Variants in PCDHA10 observed in about 807,000 individuals in gnomAD.
The protein encoded by PCDHA10 is protocadherin alpha 10, also known as protocadherin alpha-10.
In PCDHA10, 45 loss-of-function variants were observed where a neutral mutation model predicts 61.2. That is an observed-to-expected ratio of 0.74 (90% confidence interval 0.58 to 0.94). PCDHA10 has a LOEUF of 0.94. Among genes scored for constraint, PCDHA10 ranks in the 40% least tolerant of loss-of-function variants. PCDHA10 has a pLI of 0.00. For missense variants in PCDHA10, 1,278 were observed against 1,236.2 expected, an observed-to-expected ratio of 1.03 and a Z score of -0.51; for synonymous variants, 602 against 548.8, an observed-to-expected ratio of 1.10 and a Z score of -1.35.
chr5:140,927,848 G>A (rs1295513512), intron 1 of PCDHA10: 3 of 1,614,062 alleles, frequency 1.9e-6, no homozygotes, highest in Non-Finnish European at 2.5e-6. Context: ...GGTGTCTTTG[G>A]TTTAGCTAGC....
intron 1 of PCDHA10, chr5:140,966,387 C>G: frequency 2.5e-6 from 1 of 405,008 alleles, no homozygotes. Context: ...GGTTCGCTGT[C>G]CGCCACTTCG....
chr5:140,858,663 C>A, intron 1 of PCDHA10: 1 of 735,366 alleles, frequency 1.4e-6, no homozygotes, highest in Non-Finnish European at 2.1e-6. Flanking sequence ...TTTTAAATAA[C>A]AATTTATTCT....
chr5:141,009,889 G>A lies in PCDHA10; in HGVS notation c.2799G>A (p.Gln933=). ...KKKKKKGNKT[Q]EKKEKGNSTT... is the part of the protein sequence containing the mutation. ...AAAAGAAGAAGGGTAACAAGACCCAGGAGAAAAAAGAGAAAGGGAACAGCA... is the reference window on the plus strand; with the variant it reads ...AAAAGAAGAAGGGTAACAAGACCCAAGAGAAAAAAGAGAAAGGGAACAGCA... Residue 933 remains glutamine, a synonymous_variant, in exon 4 of 4, where the codon CAG becomes CAA. Transcript: ENST00000307360. 6.2e-7 allele frequency: 1 copy of A among 1,612,866 alleles called. No homozygotes were observed. Among genetic ancestry groups the A allele is most frequent in the South Asian group, 1.1e-5 (1 of 90,852 alleles).
chr5:140,900,062 A>C (rs1221394657), intron 1 of PCDHA10, among the ~76,000 whole-genome samples: 1 of 152,138 alleles, frequency 6.6e-6, no homozygotes, highest in Non-Finnish European at 1.5e-5. Flanking sequence ...CTTTAACCTC[A>C]GCCTCCAAAA....
intron 1 of PCDHA10, chr5:140,930,241 C>T (rs2086688232): frequency 1.3e-5 from 2 of 152,148 alleles, no homozygotes; most frequent in African/African-American, 2.4e-5. Context: ...ATCCAAAGTC[C>T]ATTCAACTTG....
At chr5:140,966,971 C>G (rs375161984) in intron 1 of PCDHA10, 1 of 1,602,808 alleles carries the variant, frequency 6.2e-7, no homozygotes, top group Non-Finnish European at 8.5e-7. Flanking sequence ...GGGGCTTGAG[C>G]TGCGGCGCTT....
At chr5:140,884,312 G>A in intron 1 of PCDHA10, 1 of 1,613,768 alleles carries the variant, frequency 6.2e-7, no homozygotes, top group Non-Finnish European at 8.5e-7. Context: ...TTCGTCGAGG[G>A]CGTCGGCAGG....
Position 140,856,142 on chromosome 5 carries a change from T to C in PCDHA10, c.94T>C (p.Tyr32His). 6.3e-7 allele frequency: 1 copy of C among 1,598,234 alleles called. No homozygotes were observed. Among genetic ancestry groups the C allele is most frequent in the Non-Finnish European group, 8.6e-7 (1 of 1,167,842 alleles). ...AWEVGSGQLH[Y>H]SVYEEARHGT... ...GGAGGTGGGGAGCGGCCAGCTCCAC[T>C]ACTCAGTCTACGAGGAGGCCAGACA... The change falls in exon 1 of 4, where the codon TAC becomes CAC. Residue 32 changes from tyrosine (Y) to histidine (H), a missense_variant. Physicochemically the swap from Tyr to His is moderately conservative, Grantham distance 83 (BLOSUM62 2). Transcript: ENST00000307360.
At chr5:140,967,784 C>T in intron 1 of PCDHA10, 3 of 1,614,174 alleles carry the variant, frequency 1.9e-6, no homozygotes, top group South Asian at 1.1e-5. Context: ...GGCGACTGAC[C>T]GGGGTCCAGT....
chr5:140,882,189 T>C, intron 1 of PCDHA10: 2 of 1,519,304 alleles, frequency 1.3e-6, no homozygotes, highest in Admixed American at 2.2e-5. Flanking sequence ...TAGGAAGCCA[T>C]AAAAATTGGG....
chr5:140,923,644 C>G (rs1554201552), intron 1 of PCDHA10, among the ~76,000 whole-genome samples: 1 of 152,204 alleles, frequency 6.6e-6, no homozygotes. Flanking sequence ...AAATCTTTAG[C>G]CTCCCTTATC....
At chr5:140,998,347 T>C (rs2097807005) in intron 3 of PCDHA10, among the ~76,000 whole-genome samples, 1 of 152,202 alleles carries the variant, frequency 6.6e-6, no homozygotes, top group Non-Finnish European at 1.5e-5. Context: ...TCTGAGTCTG[T>C]GCTCTTAACC....
rs782383115 is a variant in PCDHA10, at chr5:140,856,448, G to T, written c.400G>T (p.Val134Leu). 3 of 1,598,274 alleles carry T rather than the reference G, an allele frequency of 1.9e-6. No homozygotes were observed. The highest frequency in any genetic ancestry group is 2.2e-5 in the South Asian group (2 of 90,534). The change falls in exon 1 of 4, where the codon GTA (valine) becomes TTA (leucine). Residue 134 changes from valine (V) to leucine (L), a missense_variant. By Grantham distance (32) the Val-to-Leu change is conservative. Transcript: ENST00000307360. ...DINDNPPRFS[V>L]TEQKLSIPES... Reference sequence around the variant, plus strand: ...TAACGACAACCCGCCCAGGTTCTCCGTAACAGAACAAAAGCTCTCAATACC... The same window carrying T: ...TAACGACAACCCGCCCAGGTTCTCCTTAACAGAACAAAAGCTCTCAATACC...
At chr5:140,866,852 C>T (rs1004486221) in intron 1 of PCDHA10, 1 of 152,106 alleles carries the variant, frequency 6.6e-6, no homozygotes, top group Non-Finnish European at 1.5e-5. Flanking sequence ...TTAACAATAA[C>T]TGTATTGAAA....
intron 3 of PCDHA10, among the ~76,000 whole-genome samples, chr5:141,006,716 C>T (rs904868679): frequency 2.0e-5 from 3 of 151,786 alleles, no homozygotes; most frequent in Non-Finnish European, 2.9e-5. Flanking sequence ...ATTTAGGAGG[C>T]AGAAATGACA....
chr5:140,923,527 C>T (rs2081405445), intron 1 of PCDHA10, among the ~76,000 whole-genome samples: 1 of 151,652 alleles, frequency 6.6e-6, no homozygotes, highest in South Asian at 2.1e-4. Context: ...AGATTCTGTC[C>T]CAAAAAAAGG....
Position 141,010,268 on chromosome 5 carries a change from A to T in PCDHA10, c.*331A>T. 1 of 1,551,622 alleles carries T rather than the reference A, an allele frequency of 6.4e-7. No homozygotes were observed. Among genetic ancestry groups the T allele is most frequent in the Non-Finnish European group, 8.7e-7 (1 of 1,146,964 alleles). On this transcript the variant is annotated 3_prime_UTR_variant, in exon 4 of 4. Coordinates refer to ENST00000307360, the MANE Select transcript of PCDHA10 (RefSeq NM_018901.4). ...GGACTCTCTGCCCTGTGCTCCGGGG[A>T]TCCTGTCTTGATGACACTTGCAGGG...
At chr5:140,968,668 G>A (rs1365342675) in intron 1 of PCDHA10, 3 of 1,614,038 alleles carry the variant, frequency 1.9e-6, no homozygotes, top group African/African-American at 1.3e-5. Flanking sequence ...ACCTCTTTAA[G>A]GTAGAGCTGC....
intron 1 of PCDHA10, among the ~76,000 whole-genome samples, chr5:140,872,146 T>C (rs1554166047): frequency 6.6e-6 from 1 of 152,134 alleles, no homozygotes; most frequent in African/African-American, 2.4e-5. Context: ...ACTCCATTAG[T>C]ATGACATGAT....
Sources: allele counts gnomAD v4.1 joint callset (sites outside exome capture counted in the v4.1 genomes callset), GRCh38; gene constraint gnomAD v4.1.1; transcripts MANE v1.5; gene names NCBI Gene and HGNC (gene_info 2026-07-23, HGNC 2026-07-21).